The following SMAD6 variants were observed in gnomAD, a reference collection of about 807,000 sequenced individuals.
SMAD6 encodes SMAD family member 6.
In SMAD6, 103 loss-of-function variants were observed where a neutral mutation model predicts 39.4. The observed-to-expected ratio is 2.62, with a 90% CI of 2.23 to 3.08. SMAD6 has a LOEUF of 3.08. SMAD6 is among the 30% of genes most tolerant of loss of function. The pLI is 0.00. For missense variants in SMAD6, 1,104 were observed against 742.9 expected, an observed-to-expected ratio of 1.49 and a Z score of -5.65; for synonymous variants, 445 against 353.3, an observed-to-expected ratio of 1.26 and a Z score of -2.91.
In SMAD6 at chr15:66,703,783, C is replaced by T. The variant is rs775459985; in HGVS notation, c.525C>T (p.Val175=). 7.6e-6 allele frequency: 11 copies of T among 1,439,866 alleles called. No individual in the cohort carries two copies. Among genetic ancestry groups the T allele is most frequent in the African/African-American group, 1.5e-5 (1 of 67,736 alleles). The allele number at this position is 1,439,866 out of a possible 1,614,324, so 89.2% of individuals were successfully genotyped here. ...TGCTGGAGCAGGAACTCAAAACCGT[C>T]ACGTACTCGCTGCTGAAGCGGCTCA... ...LLLLEQELKT[V]TYSLLKRLKE... is the part of the protein sequence containing the mutation. Residue 175 remains valine (V), a synonymous_variant, in exon 1 of 4, where the codon GTC becomes GTT. Transcript: ENST00000288840.
chr15:66,725,927 C>G (rs1355854208), intron 3 of SMAD6, among the ~76,000 whole-genome samples: 1 of 152,174 alleles, frequency 6.6e-6, no homozygotes, highest in South Asian at 2.1e-4. Flanking sequence ...GACTGGTTCT[C>G]CCCCACCTGC....
At chr15:66,776,193 C>A (rs187581605) in intron 3 of SMAD6, among the ~76,000 whole-genome samples, 4 of 152,312 alleles carry the variant, frequency 2.6e-5, no homozygotes, top group Admixed American at 6.5e-5. Flanking sequence ...AAGTGCTTTG[C>A]GGTTTGCAAA....
Position 66,739,476 on chromosome 15 carries a change from G to C in SMAD6, c.952+22978G>C, listed in dbSNP as rs182012068. On this transcript the variant is annotated intron_variant, in intron 3 of 3. Coordinates refer to ENST00000288840, the MANE Select transcript of SMAD6 (RefSeq NM_005585.5). ...CAGGCAGGCCGTCAAGAGCCACTCA[G>C]GGACTGCAGGTGTGCATTGTTAAGA... 2.0e-5 allele frequency among the ~76,000 whole-genome samples: 3 copies of C among 152,234 alleles called. No homozygotes were observed. In the South Asian group the frequency reaches 6.2e-4, roughly 32 times the overall value.
intron 3 of SMAD6, among the ~76,000 whole-genome samples, chr15:66,775,990 T>C (rs1296376663): frequency 2.0e-5 from 3 of 152,228 alleles, no homozygotes; most frequent in Non-Finnish European, 4.4e-5. Flanking sequence ...CTCATAGTGT[T>C]GCAGAGCACG....
At chr15:66,721,045 C>T (rs577883944) in intron 3 of SMAD6, among the ~76,000 whole-genome samples, 126 of 152,266 alleles carry the variant, frequency 8.3e-4, no homozygotes, top group African/African-American at 2.9e-3. Context: ...TTTCCTCCAC[C>T]AACCAGACTG....
Position 66,711,635 on chromosome 15 carries a change from C to G in SMAD6, c.818-33C>G, listed in dbSNP as rs771779955. 27 of 1,580,388 alleles carry G rather than the reference C, an allele frequency of 1.7e-5. No individual in the cohort carries two copies. In the South Asian group the frequency reaches 2.0e-4, roughly 12 times the overall value. ...GAACCTGAGGTGTGAGCTCCCCAAC[C>G]CTGGCAGTGACATGCTGTCTCCTGT... On this transcript the variant is annotated intron_variant, in intron 1 of 3. Transcript: ENST00000288840.
chr15:66,780,841 C>T (rs1209030441), intron 3 of SMAD6, among the ~76,000 whole-genome samples, 156 bp from the exon 4 acceptor site: 1 of 151,884 alleles, frequency 6.6e-6, no homozygotes, highest in Non-Finnish European at 1.5e-5. Flanking sequence ...GCCATATTTC[C>T]TGAGGACAAC....
chr15:66,739,207 C>T (rs1354831774), intron 3 of SMAD6, among the ~76,000 whole-genome samples: 9 of 152,042 alleles, frequency 5.9e-5, no homozygotes, highest in Non-Finnish European at 1.5e-5. Context: ...TCTCCTGCCT[C>T]AGCCTCCCAA....
chr15:66,749,985 C>G (rs1370912218), intron 3 of SMAD6, among the ~76,000 whole-genome samples: 1 of 152,132 alleles, frequency 6.6e-6, no homozygotes, highest in African/African-American at 2.4e-5. Context: ...GAGGTTTTGT[C>G]CTTCCAGATT....
rs187322530 is a variant in SMAD6, at chr15:66,705,614, G to A, written c.817+1539G>A. Reference sequence around the variant, plus strand: ...CCTTCCACTCTCGTAGAAGCCCCTGGCAGGTGTATTCTCTTTCGCCACTTC... The same window carrying A: ...CCTTCCACTCTCGTAGAAGCCCCTGACAGGTGTATTCTCTTTCGCCACTTC... On this transcript the variant is annotated intron_variant, in intron 1 of 3. Coordinates refer to ENST00000288840, the MANE Select transcript of SMAD6 (RefSeq NM_005585.5). 2.6e-3 allele frequency: 390 copies of A among 152,206 alleles called. 2 individuals are homozygous for A. The highest frequency in any genetic ancestry group is 4.4e-3 in the Non-Finnish European group (297 of 68,064). The allele number at this position is 152,206 out of a possible 1,614,324, so 9.4% of individuals were successfully genotyped here.
chr15:66,733,298 A>G (rs545014579), intron 3 of SMAD6, among the ~76,000 whole-genome samples: 108 of 152,318 alleles, frequency 7.1e-4, no homozygotes, highest in African/African-American at 2.5e-3. Flanking sequence ...ATGTATATAA[A>G]TTTTAGAATT....
chr15:66,717,181 T>G (rs895513089), intron 3 of SMAD6: 16 of 1,273,636 alleles, frequency 1.3e-5, no homozygotes, highest in Non-Finnish European at 3.1e-6. Flanking sequence ...AGGACCAAGG[T>G]CTGTGGGGCC....
rs1893002444 is a variant in SMAD6, at chr15:66,702,852, A to T, written c.-407A>T. ...GGTAAAGGCAGGGCTTTCCAGACAC[A>T]TTTAGGGGTTCGCGCGAGCGCTTTG... On this transcript the variant is annotated 5_prime_UTR_variant, in exon 1 of 4. Coordinates refer to ENST00000288840, the MANE Select transcript of SMAD6 (RefSeq NM_005585.5). The T allele has an allele frequency of 5.8e-6, 1 of 172,206 alleles. No individual in the cohort carries two copies. Among genetic ancestry groups the T allele is most frequent in the African/African-American group, 2.4e-5 (1 of 42,224 alleles). The allele number at this position is 172,206 out of a possible 1,614,324, so 10.7% of individuals were successfully genotyped here.
rs1212093350 is a variant in SMAD6 at position 66,716,946 on chromosome 15, G to A, written c.952+448G>A. On this transcript the variant is annotated intron_variant, in intron 3 of 3. Transcript: ENST00000288840. ...GAATTGGAGCCGGTTGAATGAGCTT[G>A]CAGGGAGGATCTGGCAAGTGAGGAG... The A allele has an allele frequency of 1.3e-5, 17 of 1,280,036 alleles. No individual in the cohort carries two copies. The African/African-American group carries it at 1.5e-4, about 11-fold the overall frequency. 79.3% of individuals were successfully genotyped at this position (1,280,036 alleles called of 1,614,324 possible). A position where few individuals can be genotyped will look rare whatever the true frequency, so the allele number is the denominator to read the frequency against.
At chr15:66,767,809 A>G (rs990424972) in intron 3 of SMAD6, among the ~76,000 whole-genome samples, 1 of 152,184 alleles carries the variant, frequency 6.6e-6, no homozygotes, top group African/African-American at 2.4e-5. Context: ...AAAATTCAGT[A>G]TATAGGCCTC....
Position 66,703,886 on chromosome 15 carries a change from C to T in SMAD6, c.628C>T (p.Arg210Cys), listed in dbSNP as rs967200746. The change falls in exon 1 of 4, where the codon CGC (arginine) becomes TGC (cysteine). Residue 210 changes from arginine to cysteine, a missense_variant. Transcript: ENST00000288840. ...GCCGGGCGGCTGCGTGCTGGTGCCG[C>T]GCGCCGACCTCCGCCTGGGCGGCCA... The part of the protein sequence containing the change: ...GVPGGCVLVP[R>C]ADLRLGGQPA... 9.9e-6 allele frequency: 13 copies of T among 1,307,238 alleles called. No individual in the cohort carries two copies. Among genetic ancestry groups the T allele is most frequent in the Non-Finnish European group, 1.2e-5 (12 of 1,028,442 alleles). 81.0% of individuals were successfully genotyped at this position (1,307,238 alleles called of 1,614,324 possible).
At chr15:66,717,306 A>G (rs1182602826) in intron 3 of SMAD6, 1 of 465,936 alleles carries the variant, frequency 2.1e-6, no homozygotes. Flanking sequence ...GTGTGTCTCC[A>G]TCTGAGACAT....
chr15:66,765,385 G>A (rs1343279990), intron 3 of SMAD6, among the ~76,000 whole-genome samples: 1 of 152,062 alleles, frequency 6.6e-6, no homozygotes, highest in Non-Finnish European at 1.5e-5. Flanking sequence ...CACCATGCCC[G>A]GCTACTTTTT....
At chr15:66,732,765 T>C (rs1335854451) in intron 3 of SMAD6, among the ~76,000 whole-genome samples, 1 of 152,182 alleles carries the variant, frequency 6.6e-6, no homozygotes, top group African/African-American at 2.4e-5. Context: ...TTGCAAGTAT[T>C]TCCTCTCAGT....
Sources: allele counts gnomAD v4.1 joint callset (sites outside exome capture counted in the v4.1 genomes callset), GRCh38; gene constraint gnomAD v4.1.1; transcripts MANE v1.5; gene names NCBI Gene and HGNC (gene_info 2026-07-23, HGNC 2026-07-21).